The following EPB41L1 variants were observed in gnomAD, a reference collection of about 807,000 sequenced individuals.
The protein encoded by EPB41L1 is erythrocyte membrane protein band 4.1 like 1, also known as band 4.1-like protein 1.
In EPB41L1, 29 loss-of-function variants were observed where a neutral mutation model predicts 97.8. The observed-to-expected ratio is 0.30, with a 90% CI of 0.22 to 0.40. The LOEUF is 0.40. Among genes scored for constraint, EPB41L1 ranks in the 10% least tolerant of loss-of-function variants. The pLI is 1.00. For synonymous variants in EPB41L1, 383 were observed against 459.2 expected (o/e 0.83, Z 2.12); for missense variants, 812 against 1,162.3 (o/e 0.70, Z 4.38).
intron 11 of EPB41L1, among the ~76,000 whole-genome samples, chr20:36,191,624 G>C (rs976102953): frequency 6.6e-6 from 1 of 152,126 alleles, no homozygotes; most frequent in Non-Finnish European, 1.5e-5. Flanking sequence ...AAGTCACATG[G>C]GTCACTGGGG....
chr20:36,205,813 T>G (rs879467879), intron 14 of EPB41L1: 25 of 1,259,184 alleles, frequency 2.0e-5, no homozygotes, highest in Middle Eastern at 2.2e-4. Context: ...TACCTGATAT[T>G]TCATGTTAAC....
At chr20:36,205,623 A>G (rs534781504) in intron 14 of EPB41L1, among the ~76,000 whole-genome samples, 1 of 152,290 alleles carries the variant, frequency 6.6e-6, no homozygotes, top group Non-Finnish European at 1.5e-5. Flanking sequence ...GCAGTGGTTG[A>G]GGAAAATTGG....
chr20:36,146,859 AAAG>A (rs1327454558), intron 2 of EPB41L1, among the ~76,000 whole-genome samples: 2 of 152,084 alleles, frequency 1.3e-5, no homozygotes, highest in Non-Finnish European at 2.9e-5. Flanking sequence ...AAAAAAAAAA[AAAG>A]GAGGTCAGGT....
At chr20:36,214,506 A>T (rs1313758319) in intron 17 of EPB41L1, 66 bp downstream of exon 17, 1 of 1,337,558 alleles carries the variant, frequency 7.5e-7, no homozygotes, top group Non-Finnish European at 1.1e-6. Context: ...GCCAGAGAAC[A>T]AGCTAACATC....
chr20:36,095,990 C>T (rs549608871), intron 1 of EPB41L1, among the ~76,000 whole-genome samples: 173 of 150,848 alleles, frequency 1.1e-3, no homozygotes, highest in Non-Finnish European at 1.0e-3. Context: ...TGCATCACTG[C>T]GCACCAGCCT....
At position 36,206,601 on chromosome 20, in the gene EPB41L1, G is replaced by A; in HGVS notation, c.1669-2887G>A. 1 of 1,289,828 alleles carries A rather than the reference G, an allele frequency of 7.8e-7. No homozygotes were observed. Among genetic ancestry groups the A allele is most frequent in the South Asian group, 1.2e-5 (1 of 81,028 alleles). The allele number at this position is 1,289,828 out of a possible 1,614,324, so 79.9% of individuals were successfully genotyped here. On this transcript the variant is annotated intron_variant, in intron 14 of 21. Transcript: ENST00000338074. This position sits in a 1 kb window ranked among gnomAD's most constrained non-coding sequence, Gnocchi z 5.5. Reference sequence around the variant, plus strand: ...CGACGCTGAATTCCTTAGACCTGAGGGTTTCTGCTGCTGCTTCCAGCAGGA... The same window carrying A: ...CGACGCTGAATTCCTTAGACCTGAGAGTTTCTGCTGCTGCTTCCAGCAGGA...
At chr20:36,126,134 C>G (rs1341874660) in intron 2 of EPB41L1, among the ~76,000 whole-genome samples, 1 of 152,120 alleles carries the variant, frequency 6.6e-6, no homozygotes, top group Non-Finnish European at 1.5e-5. Flanking sequence ...TTATCTGACT[C>G]TCTGTGTAGA....
intron 5 of EPB41L1, among the ~76,000 whole-genome samples, chr20:36,180,967 C>A (rs940519583): frequency 2.6e-5 from 4 of 152,146 alleles, no homozygotes; most frequent in Non-Finnish European, 5.9e-5. Context: ...GTGACATAAC[C>A]TCTCAGAATT....
In EPB41L1 at chr20:36,209,429, C is replaced by G. The variant is rs2063004973; in HGVS notation, c.1669-59C>G. ...CTCCTGACATTCACCATCTTGATTT[C>G]TCTTTCTCTCTCTCTCCCCACCCCA... On this transcript the variant is annotated intron_variant, in intron 14 of 21. Coordinates refer to ENST00000338074, the MANE Select transcript of EPB41L1 (RefSeq NM_012156.2). This position sits in a 1 kb window ranked among gnomAD's most constrained non-coding sequence, Gnocchi z 4.2. 6.4e-7 allele frequency: 1 copy of G among 1,567,114 alleles called. No homozygotes were observed. Among genetic ancestry groups the G allele is most frequent in the Non-Finnish European group, 8.7e-7 (1 of 1,149,702 alleles).
intron 1 of EPB41L1, among the ~76,000 whole-genome samples, chr20:36,160,828 A>G (rs777775549): frequency 6.6e-6 from 1 of 152,236 alleles, no homozygotes; most frequent in Non-Finnish European, 1.5e-5. Flanking sequence ...TATAAAATCT[A>G]TCTCAAAAAT....
intron 2 of EPB41L1, among the ~76,000 whole-genome samples, chr20:36,129,294 T>A (rs1165550916): frequency 6.6e-6 from 1 of 152,094 alleles, no homozygotes; most frequent in African/African-American, 2.4e-5. Flanking sequence ...AGGCCTCTTC[T>A]GTTTTGCTTG....
chr20:36,222,842 G>A (rs1048560200), intron 21 of EPB41L1, among the ~76,000 whole-genome samples: 14 of 152,170 alleles, frequency 9.2e-5, no homozygotes, highest in African/African-American at 3.4e-4. Flanking sequence ...GTCACTGAAT[G>A]TTGTTAAGGG....
intron 1 of EPB41L1, among the ~76,000 whole-genome samples, chr20:36,165,480 C>G (rs1211167740): frequency 1.3e-5 from 2 of 151,886 alleles, no homozygotes; most frequent in Non-Finnish European, 2.9e-5. Context: ...GGGTGGATCA[C>G]CTGAGGTCAG....
At chr20:36,131,989 T>G (rs2059228659) in intron 2 of EPB41L1, among the ~76,000 whole-genome samples, 2 of 152,124 alleles carry the variant, frequency 1.3e-5, no homozygotes, top group South Asian at 4.1e-4. Context: ...GGTTAGAGCT[T>G]GGGGCCCCAG....
chr20:36,188,605 C>CACAT (rs2061787243), intron 9 of EPB41L1, 106 bp downstream of exon 9: 1 of 550,044 alleles, frequency 1.8e-6, no homozygotes, highest in Admixed American at 2.3e-5. Context: ...CACACACACA[C>CACAT]ACACACACAC....
chr20:36,201,497 G>C (rs1345535564), intron 14 of EPB41L1, among the ~76,000 whole-genome samples: 1 of 152,208 alleles, frequency 6.6e-6, no homozygotes, highest in Non-Finnish European at 1.5e-5. Context: ...AAGCCTGAAT[G>C]GTCTAGCAGT....
chr20:36,132,718 G>A (rs1012035465), intron 2 of EPB41L1, among the ~76,000 whole-genome samples: 9 of 151,912 alleles, frequency 5.9e-5, no homozygotes, highest in African/African-American at 1.2e-4. Flanking sequence ...TGCTGTGGCC[G>A]GGGAGGGGTA....
At chr20:36,131,642 T>C (rs1200329964) in intron 2 of EPB41L1, among the ~76,000 whole-genome samples, 1 of 152,050 alleles carries the variant, frequency 6.6e-6, no homozygotes, top group Non-Finnish European at 1.5e-5. Context: ...CTGTGAGGCT[T>C]TCTGTGCATG....
Position 36,206,541 on chromosome 20 carries a change from G to T in EPB41L1, c.1669-2947G>T, listed in dbSNP as rs1257143258. ...CTCCACCCCTGGAGGAGAGAAAAGG[G>T]CGCCTGGATGCCCCTCCCGGAGGTG... On this transcript the variant is annotated intron_variant, in intron 14 of 21. Coordinates refer to ENST00000338074, the MANE Select transcript of EPB41L1 (RefSeq NM_012156.2). The surrounding 1 kb of genome is among the most constrained non-coding windows in gnomAD (Gnocchi z 5.5). 2 of 1,289,770 alleles carry T rather than the reference G, an allele frequency of 1.6e-6. No homozygotes were observed. The highest frequency in any genetic ancestry group is 5.6e-5 in the East Asian group (1 of 18,012). 79.9% of individuals were successfully genotyped at this position (1,289,770 alleles called of 1,614,324 possible).
Sources: gnomAD v4.1 joint callset for allele counts (sites outside exome capture counted in the v4.1 genomes callset) on GRCh38, gnomAD v4.1.1 for gene constraint, Gnocchi (gnomAD v3.1) non-coding constraint, MANE v1.5 for transcripts, NCBI Gene and HGNC (gene_info 2026-07-23, HGNC 2026-07-21) for gene names.